The following GRIN2B variants were observed in gnomAD, a reference collection of about 807,000 sequenced individuals.
GRIN2B encodes glutamate ionotropic receptor NMDA type subunit 2B, also known as glutamate receptor ionotropic, NMDA 2B.
Under a neutral mutation model 114.5 loss-of-function variants are expected in GRIN2B, and 5 were observed. The ratio of observed to expected loss-of-function variants is 0.04; its 90% CI spans 0.02 to 0.09. GRIN2B has a LOEUF of 0.09. Ranked by LOEUF, GRIN2B falls within the 10% of genes least tolerant of loss-of-function variation. The probability of loss-of-function intolerance (pLI) is 1.00; values close to 1 mark genes in which losing one functional copy is unlikely to be tolerated. For missense variants in GRIN2B, 1,108 were observed against 1,943.5 expected (o/e 0.57, Z 8.08); for synonymous variants, 787 against 745.1 (o/e 1.06, Z -0.92).
In GRIN2B at chr12:13,553,249, G is replaced by A. The variant is rs1186044399; in HGVS notation, c.*9534C>T. The A allele has an allele frequency of 6.6e-6, 1 of 152,198 alleles. No individual in the cohort carries two copies. The highest frequency in any genetic ancestry group is 1.5e-5 in the Non-Finnish European group (1 of 68,054). 9.4% of individuals were successfully genotyped at this position (152,198 alleles called of 1,614,324 possible). On this transcript the variant is annotated 3_prime_UTR_variant, in exon 14 of 14. Transcript: ENST00000609686. ...AAGAATACAGGGACCAGAGGATAAG[G>A]GAGGGCCATAAGGTCAGAAGTGATG...
At chr12:13,916,645 C>T (rs937128227) in intron 2 of GRIN2B, among the ~76,000 whole-genome samples, 5 of 151,288 alleles carry the variant, frequency 3.3e-5, no homozygotes, top group African/African-American at 9.7e-5. Flanking sequence ...AGCCAGGATT[C>T]GAGACCAGCC....
At chr12:13,605,551 T>TCTCACA in intron 10 of GRIN2B, among the ~76,000 whole-genome samples, 1 of 30,448 alleles carries the variant, frequency 3.3e-5, no homozygotes, top group African/African-American at 1.0e-4. Context: ...TCTCTCTCTC[T>TCTCACA]GACACACACA....
intron 5 of GRIN2B, among the ~76,000 whole-genome samples, chr12:13,645,970 T>C (rs1198082575): frequency 6.6e-6 from 1 of 152,062 alleles, no homozygotes; most frequent in Non-Finnish European, 1.5e-5. Flanking sequence ...TAGAAGAAAC[T>C]CAAAGGCATC....
At chr12:13,674,953 G>A (rs1950058511) in intron 5 of GRIN2B, among the ~76,000 whole-genome samples, 1 of 152,090 alleles carries the variant, frequency 6.6e-6, no homozygotes, top group South Asian at 2.1e-4. Context: ...AAAATGTCTT[G>A]AGAGACAAGA....
chr12:13,769,237 A>C (rs1014485700), intron 3 of GRIN2B, among the ~76,000 whole-genome samples: 8 of 152,074 alleles, frequency 5.3e-5, no homozygotes, highest in African/African-American at 1.7e-4. Flanking sequence ...CCCTGGCCTG[A>C]GACAGGGGAC....
At chr12:13,886,483 C>T (rs1235199199) in intron 2 of GRIN2B, among the ~76,000 whole-genome samples, 5 of 152,098 alleles carry the variant, frequency 3.3e-5, no homozygotes, top group Non-Finnish European at 7.3e-5. Context: ...GACTAAACTG[C>T]TGGGTTGAGA....
At chr12:13,827,394 C>T (rs1021602497) in intron 3 of GRIN2B, among the ~76,000 whole-genome samples, 1 of 151,732 alleles carries the variant, frequency 6.6e-6, no homozygotes, top group Non-Finnish European at 1.5e-5. Context: ...CTTTTCCCTT[C>T]TGGGTCTCTA....
chr12:13,977,003 A>C lies in GRIN2B; in HGVS notation c.-19+2925T>G, dbSNP rs577409937. 2.6e-5 allele frequency among the ~76,000 whole-genome samples: 4 copies of C among 152,352 alleles called. No individual in the cohort carries two copies. The East Asian group carries it at 7.7e-4, about 29-fold the overall frequency. ...TACATGAAGGTCAGGGAAGACAGTC[A>C]AGATTCCAAAGCTATCTTTCTGGAG... On this transcript the variant is annotated intron_variant, in intron 2 of 13. Transcript: ENST00000609686.
chr12:13,869,554 A>G (rs1009481811), intron 2 of GRIN2B, among the ~76,000 whole-genome samples: 3 of 152,202 alleles, frequency 2.0e-5, no homozygotes, highest in Admixed American at 2.0e-4. Context: ...TTCATGCATT[A>G]TTAGATACTC....
At chr12:13,806,475 T>C (rs1864602414) in intron 3 of GRIN2B, among the ~76,000 whole-genome samples, 2 of 152,202 alleles carry the variant, frequency 1.3e-5, no homozygotes, top group South Asian at 4.1e-4. Context: ...TGATGATTAG[T>C]GATGTTGAGC....
chr12:13,806,217 G>C (rs1238282060), intron 3 of GRIN2B, among the ~76,000 whole-genome samples: 4 of 151,992 alleles, frequency 2.6e-5, no homozygotes, highest in Admixed American at 2.6e-4. Context: ...TGATATACTG[G>C]TTGCATTTCC....
chr12:13,597,297 A>G (rs2136450036), intron 10 of GRIN2B, among the ~76,000 whole-genome samples: 1 of 152,348 alleles, frequency 6.6e-6, no homozygotes, highest in South Asian at 2.1e-4. Flanking sequence ...AAGCTGGATC[A>G]AAAAGAAAAA....
At chr12:13,629,144 C>T (rs924275389) in intron 5 of GRIN2B, among the ~76,000 whole-genome samples, 6 of 152,212 alleles carry the variant, frequency 3.9e-5, no homozygotes, top group Non-Finnish European at 8.8e-5. Flanking sequence ...CCATCCAAAA[C>T]AAGACTAAAT....
At chr12:13,618,113 C>T (rs1160202753) in intron 5 of GRIN2B, among the ~76,000 whole-genome samples, 1 of 152,204 alleles carries the variant, frequency 6.6e-6, no homozygotes, top group South Asian at 2.1e-4. Flanking sequence ...AACTGTTGAT[C>T]CTGATTTTAG....
rs1428406990 is a variant in GRIN2B at position 13,741,981 on chromosome 12, C to T, written c.1010+11336G>A. Among the ~76,000 whole-genome samples, 5 of 152,252 alleles carry T rather than the reference C, an allele frequency of 3.3e-5. No homozygotes were observed. The East Asian group carries it at 9.6e-4, about 29-fold the overall frequency. On this transcript the variant is annotated intron_variant, in intron 4 of 13. Coordinates refer to ENST00000609686, the MANE Select transcript of GRIN2B (RefSeq NM_000834.5). The stretch of plus-strand genomic sequence containing the variant: ...TTTTAAAAATAAATTTTCTAAATTG[C>T]TGAAGCTTAGTATTTTAAAGTACAG...
At chr12:13,777,284 G>T (rs904757554) in intron 3 of GRIN2B, among the ~76,000 whole-genome samples, 4 of 152,114 alleles carry the variant, frequency 2.6e-5, no homozygotes, top group African/African-American at 9.7e-5. Flanking sequence ...CCAACTTCCT[G>T]GAGAAGCTTC....
intron 2 of GRIN2B, among the ~76,000 whole-genome samples, chr12:13,934,568 T>TA (rs1287256860): frequency 6.6e-6 from 1 of 152,194 alleles, no homozygotes; most frequent in African/African-American, 2.4e-5. Context: ...GCTTCTCCGT[T>TA]AGCACGTCTC....
chr12:13,677,808 CCTT>C (rs1950089583), intron 4 of GRIN2B, among the ~76,000 whole-genome samples: 2 of 152,002 alleles, frequency 1.3e-5, no homozygotes, highest in Admixed American at 6.6e-5. Flanking sequence ...TTAGTCTAAT[CCTT>C]CTTCTACATG....
intron 10 of GRIN2B, among the ~76,000 whole-genome samples, chr12:13,587,470 T>C (rs1300014040): frequency 6.6e-6 from 1 of 151,646 alleles, no homozygotes; most frequent in Non-Finnish European, 1.5e-5. Flanking sequence ...TCTTCCCACC[T>C]CAGCCTCCCA....
Sources: allele counts gnomAD v4.1 joint callset (sites outside exome capture counted in the v4.1 genomes callset), GRCh38; gene constraint gnomAD v4.1.1; transcripts MANE v1.5; gene names NCBI Gene and HGNC (gene_info 2026-07-23, HGNC 2026-07-21).